Variants in TTC31 observed in about 807,000 individuals in gnomAD.
TTC31 encodes the protein tetratricopeptide repeat domain 31, also known as tetratricopeptide repeat protein 31.
A neutral mutation model predicts 60.4 loss-of-function variants in TTC31; 59 were observed. That is an observed-to-expected ratio of 0.98 (90% CI 0.79 to 1.21). The LOEUF (loss-of-function observed/expected upper bound fraction) is 1.21. Ranked by LOEUF, TTC31 falls within the 50% of genes most tolerant of loss-of-function variation. The pLI is 0.00. For missense variants in TTC31, 672 were observed against 646.9 expected, an observed-to-expected ratio of 1.04 and a Z score of -0.42; for synonymous variants, 225 against 249.6, an observed-to-expected ratio of 0.90 and a Z score of 0.93.
At chr2:74,487,981 T>C (rs1010349097) in intron 2 of TTC31, among the ~76,000 whole-genome samples, 4 of 152,166 alleles carry the variant, frequency 2.6e-5, no homozygotes, top group Non-Finnish European at 5.9e-5. Flanking sequence ...TGCCCAGCCA[T>C]ATTTATTTAT....
In TTC31 at chr2:74,489,949, C is replaced by G. The variant is rs1028239124; in HGVS notation, c.130-76C>G. On this transcript the variant is annotated intron_variant, in intron 2 of 12. Transcript: ENST00000233623. ...TTGGTGGCTGCCATGGTGGAGAGAT[C>G]AAGCCAGCGAAGCCCTTGCTCTCTC... 507 of 1,066,864 alleles carry G rather than the reference C, an allele frequency of 4.8e-4. 1 individual carries two copies. The highest frequency in any genetic ancestry group is 2.4e-4 in the Non-Finnish European group (171 of 712,768). 66.1% of individuals were successfully genotyped at this position (1,066,864 alleles called of 1,614,324 possible).
intron 2 of TTC31, among the ~76,000 whole-genome samples, chr2:74,484,700 G>A (rs999086010): frequency 1.1e-4 from 16 of 151,966 alleles, no homozygotes; most frequent in Admixed American, 9.8e-4. Flanking sequence ...CTCGTGATCC[G>A]CCCGCCTTGG....
At chr2:74,487,993 G>A (rs955259955) in intron 2 of TTC31, among the ~76,000 whole-genome samples, 1 of 152,084 alleles carries the variant, frequency 6.6e-6, no homozygotes, top group African/African-American at 2.4e-5. Context: ...TTTATTTATC[G>A]AGACAGGGTC....
At chr2:74,483,597 C>G (rs1437228276) in intron 2 of TTC31, 187 bp downstream of exon 2, 2 of 1,459,554 alleles carry the variant, frequency 1.4e-6, no homozygotes, top group African/African-American at 1.4e-5. Context: ...GAGGATGATC[C>G]TGATGTAACA....
rs1353315040 is a variant in TTC31 at position 74,492,429 on chromosome 2, C to G, written c.1145C>G (p.Ala382Gly). The change falls in exon 11 of 13, where the codon GCC becomes GGC. Residue 382 changes from alanine to glycine, a missense_variant. Ala to Gly is a moderately conservative substitution (Grantham distance 60). Coordinates refer to ENST00000233623, the MANE Select transcript of TTC31 (RefSeq NM_022492.6). The stretch of plus-strand genomic sequence containing the variant: ...CGGGGCCTCTTCCGCCTGGGCAAGG[C>G]CTTGATGGGACTACAGGTAATAGGT... ...WPRGLFRLGK[A>G]LMGLQRFREA... is the part of the protein sequence containing the mutation. 5 of 1,523,016 alleles carry G rather than the reference C, an allele frequency of 3.3e-6. No individual in the cohort carries two copies. The highest frequency in any genetic ancestry group is 4.4e-6 in the Non-Finnish European group (5 of 1,136,758). 94.3% of individuals were successfully genotyped at this position (1,523,016 alleles called of 1,614,324 possible). A position where few individuals can be genotyped will look rare whatever the true frequency, so the allele number is the denominator to read the frequency against.
intron 5 of TTC31, 83 bp downstream of exon 5, chr2:74,490,822 G>C: frequency 1.4e-6 from 2 of 1,416,514 alleles, no homozygotes; most frequent in East Asian, 2.5e-5. Context: ...GAACAGGAGA[G>C]AGCTCAAGAT....
At chr2:74,484,467 GTTTTT>G (rs1014249767) in intron 2 of TTC31, among the ~76,000 whole-genome samples, 35 of 149,754 alleles carry the variant, frequency 2.3e-4, no homozygotes, top group African/African-American at 8.6e-4. Context: ...TTTGTTTTTT[GTTTTT>G]TTTTAAGATG....
chr2:74,489,022 C>A (rs1326911555), intron 2 of TTC31, among the ~76,000 whole-genome samples: 1 of 152,178 alleles, frequency 6.6e-6, no homozygotes, highest in Non-Finnish European at 1.5e-5. Flanking sequence ...TACCACTGCA[C>A]TCCAGCCTGG....
chr2:74,486,613 C>T (rs959179160), intron 2 of TTC31, among the ~76,000 whole-genome samples: 1 of 152,140 alleles, frequency 6.6e-6, no homozygotes, highest in African/African-American at 2.4e-5. Flanking sequence ...AGTGGTCAGG[C>T]CAAGTGTGGT....
chr2:74,490,745 T>G lies in TTC31; in HGVS notation c.546+6T>G. The G allele has an allele frequency of 6.2e-7, 1 of 1,611,234 alleles. No homozygotes were observed. The highest frequency in any genetic ancestry group is 1.1e-5 in the South Asian group (1 of 90,422). On this transcript the variant is annotated splice_donor_region_variant and intron_variant, in intron 5 of 12. Coordinates refer to ENST00000233623, the MANE Select transcript of TTC31 (RefSeq NM_022492.6). ...AAAAGCGACTCAAGAAGAAGGTGGC[T>G]AGAGCATGGCTGGAGGGTGCAGGGG...
chr2:74,490,857 G>T, intron 5 of TTC31, 118 bp downstream of exon 5: 2 of 1,130,752 alleles, frequency 1.8e-6, no homozygotes, highest in Non-Finnish European at 2.5e-6. Context: ...TCTCTTGCCA[G>T]GAGGACACAA....
Position 74,491,204 on chromosome 2 carries a change from A to G in TTC31, c.603+20A>G, listed in dbSNP as rs201612423. On this transcript the variant is annotated intron_variant, in intron 6 of 12. Transcript: ENST00000233623. The stretch of plus-strand genomic sequence containing the variant: ...CCCAAGGTGAGTATCTAGGGCAGGT[A>G]CTAAGAGCACCAAGTGCCAGGAAGG... 1.2e-6 allele frequency: 2 copies of G among 1,614,202 alleles called. No homozygotes were observed. The highest frequency in any genetic ancestry group is 1.3e-5 in the African/African-American group (1 of 75,062).
Position 74,491,546 on chromosome 2 carries a change from C to T in TTC31, c.750C>T (p.Leu250=), listed in dbSNP as rs1299252688. ...TGCGCAAGGTTGGGGATTGGCCCCT[C>T]AGTGCCCGCAGAGAGAAGGGACTGA... ...LALRKVGDWP[L]SARREKGLNQ... Residue 250 remains leucine (L), a synonymous_variant, in exon 8 of 13, where the codon CTC becomes CTT. Coordinates refer to ENST00000233623, the MANE Select transcript of TTC31 (RefSeq NM_022492.6). 1 of 1,614,080 alleles carries T rather than the reference C, an allele frequency of 6.2e-7. No individual in the cohort carries two copies. The highest frequency in any genetic ancestry group is 8.5e-7 in the Non-Finnish European group (1 of 1,180,020).
At chr2:74,492,551 G>A (rs1217933488) in intron 11 of TTC31, 95 bp from the exon 12 acceptor site, 2 of 1,551,578 alleles carry the variant, frequency 1.3e-6, no homozygotes, top group African/African-American at 2.7e-5. Flanking sequence ...GTGTCACAAT[G>A]GTTGTGGTAC....
Position 74,494,190 on chromosome 2 carries a change from CT to C in TTC31, c.*975del, listed in dbSNP as rs1219928743. ...TTTAGGTCTCCCCCAACCCCCTTACCTTTCACAGAGGAACCTTTCATCAGGA... is the reference window on the plus strand; with the variant it reads ...TTTAGGTCTCCCCCAACCCCCTTACCTTCACAGAGGAACCTTTCATCAGGA... On this transcript the variant is annotated 3_prime_UTR_variant, in exon 13 of 13. Coordinates refer to ENST00000233623, the MANE Select transcript of TTC31 (RefSeq NM_022492.6). 3.9e-5 allele frequency: 6 copies of C among 152,362 alleles called. No individual in the cohort carries two copies. Among genetic ancestry groups the C allele is most frequent in the African/African-American group, 1.4e-4 (6 of 41,446 alleles). 9.4% of individuals were successfully genotyped at this position (152,362 alleles called of 1,614,324 possible). A position where few individuals can be genotyped will look rare whatever the true frequency, so the allele number is the denominator to read the frequency against.
At chr2:74,487,064 C>T (rs891627714) in intron 2 of TTC31, among the ~76,000 whole-genome samples, 1 of 152,174 alleles carries the variant, frequency 6.6e-6, no homozygotes, top group African/African-American at 2.4e-5. Flanking sequence ...GTGGGAACTT[C>T]CAAGGACACT....
intron 6 of TTC31, 37 bp from the exon 7 acceptor site, chr2:74,491,258 G>A (rs1196970951): frequency 7.4e-6 from 12 of 1,614,012 alleles, no homozygotes; most frequent in Non-Finnish European, 8.5e-6. Flanking sequence ...GCAGCTCAAG[G>A]TGATCCCAAC....
At position 74,490,484 on chromosome 2, in the gene TTC31, C is replaced by T. The variant is rs776436416; in HGVS notation, c.462+11C>T. 8 of 1,592,372 alleles carry T rather than the reference C, an allele frequency of 5.0e-6. No homozygotes were observed. The African/African-American group carries it at 1.1e-4, about 21-fold the overall frequency. On this transcript the variant is annotated intron_variant, in intron 4 of 12. Transcript: ENST00000233623. ...CTGGTGACAGAAGAGGTGAGATTCTCAGGAGAGGGCTTTGCCGTCCCCCAG... is the reference window on the plus strand; with the variant it reads ...CTGGTGACAGAAGAGGTGAGATTCTTAGGAGAGGGCTTTGCCGTCCCCCAG...
At chr2:74,492,517 T>C (rs1674040833) in intron 11 of TTC31, 72 bp downstream of exon 11, 1 of 1,534,434 alleles carries the variant, frequency 6.5e-7, no homozygotes, top group Non-Finnish European at 8.8e-7. Context: ...ATGTTGACTT[T>C]CTAGATAAGC....
Sources: gnomAD v4.1 joint callset for allele counts (sites outside exome capture counted in the v4.1 genomes callset) on GRCh38, gnomAD v4.1.1 for gene constraint, MANE v1.5 for transcripts, NCBI Gene and HGNC (gene_info 2026-07-23, HGNC 2026-07-21) for gene names.